Variants in NCOA2 observed in about 807,000 individuals in gnomAD.
The protein encoded by NCOA2 is nuclear receptor coactivator 2, also known as class E basic helix-loop-helix protein 75.
NCOA2 carries 21 observed loss-of-function variants against 145.1 expected under a neutral mutation model. That is an observed-to-expected ratio of 0.14 (90% CI 0.10 to 0.21). The LOEUF is 0.21. Ranked by LOEUF, NCOA2 falls within the 10% of genes least tolerant of loss-of-function variation. NCOA2 has a pLI of 1.00. For missense variants in NCOA2, 1,472 were observed against 1,837.6 expected, an observed-to-expected ratio of 0.80 and a Z score of 3.64; for synonymous variants, 619 against 637.5, an observed-to-expected ratio of 0.97 and a Z score of 0.44.
chr8:70,195,702 T>C (rs1817230456), intron 4 of NCOA2, among the ~76,000 whole-genome samples: 2 of 152,246 alleles, frequency 1.3e-5, no homozygotes, highest in South Asian at 2.1e-4. Context: ...TAAATATAAA[T>C]GGTCATACAG....
the NCOA2 span, among the ~76,000 whole-genome samples, chr8:70,416,197 T>TG: frequency 7.1e-6 from 1 of 141,556 alleles, no homozygotes; most frequent in African/African-American, 2.8e-5. Flanking sequence ...GTTTTTTTGT[T>TG]TTTTTTTTTT....
At chr8:70,430,920 C>T in the NCOA2 span, among the ~76,000 whole-genome samples, 1 of 152,110 alleles carries the variant, frequency 6.6e-6, no homozygotes, top group Admixed American at 6.6e-5. Context: ...TATCTATCAA[C>T]TTATTTCTAG....
chr8:70,207,862 C>CAAAAAAAAAAAAAA (rs754670876), intron 4 of NCOA2, among the ~76,000 whole-genome samples: 8 of 36,182 alleles, frequency 2.2e-4, no homozygotes, highest in African/African-American at 7.6e-4. Flanking sequence ...GACTCCACCT[C>CAAAAAAAAAAAAAA]AAAAAAAAAA....
At chr8:70,454,907 C>T in the NCOA2 span, among the ~76,000 whole-genome samples, 1 of 152,200 alleles carries the variant, frequency 6.6e-6, no homozygotes, top group Non-Finnish European at 1.5e-5. Flanking sequence ...AAACCAATAT[C>T]CTGCTTAGTC....
At position 70,359,472 on chromosome 8, in the gene NCOA2, T is replaced by C. The variant is rs556597136; in HGVS notation, c.-77+44228A>G. Reference sequence around the variant, plus strand: ...GCTAAGAAAAAGAAACAAGGTACAATAGAATATGATACTATTTATATGAAA... The same window carrying C: ...GCTAAGAAAAAGAAACAAGGTACAACAGAATATGATACTATTTATATGAAA... On this transcript the variant is annotated intron_variant, in intron 1 of 22. Coordinates refer to ENST00000452400, the MANE Select transcript of NCOA2 (RefSeq NM_006540.4). Among the ~76,000 whole-genome samples, 4 of 152,234 alleles carry C rather than the reference T, an allele frequency of 2.6e-5. No homozygotes were observed. The South Asian group carries it at 6.2e-4, about 24-fold the overall frequency.
intron 1 of NCOA2, among the ~76,000 whole-genome samples, chr8:70,377,855 G>A (rs1360863872): frequency 6.6e-6 from 1 of 152,152 alleles, no homozygotes; most frequent in Non-Finnish European, 1.5e-5. Flanking sequence ...GGGCAAAAAA[G>A]CACAGGATTT....
At chr8:70,447,687 T>TC in the NCOA2 span, among the ~76,000 whole-genome samples, 2 of 145,718 alleles carry the variant, frequency 1.4e-5, no homozygotes, top group Non-Finnish European at 3.0e-5. Flanking sequence ...GTTTTCTTTT[T>TC]TTTTTTTTTT....
At chr8:70,415,237 G>A in the NCOA2 span, among the ~76,000 whole-genome samples, 1 of 151,966 alleles carries the variant, frequency 6.6e-6, no homozygotes, top group African/African-American at 2.4e-5. Flanking sequence ...GCTGAGGTGT[G>A]AGGATCGCTT....
chr8:70,144,382 G>C (rs1448605356), intron 13 of NCOA2, among the ~76,000 whole-genome samples: 3 of 152,194 alleles, frequency 2.0e-5, no homozygotes, highest in African/African-American at 7.2e-5. Flanking sequence ...AACTGGGATA[G>C]AAGTGAAATA....
chr8:70,127,658 T>G (rs145275614), intron 18 of NCOA2, among the ~76,000 whole-genome samples: 1 of 152,284 alleles, frequency 6.6e-6, no homozygotes, highest in African/African-American at 2.4e-5. Flanking sequence ...TGATCCTCAT[T>G]TATGAATTCC....
intron 4 of NCOA2, among the ~76,000 whole-genome samples, chr8:70,178,905 T>C (rs893504189): frequency 2.0e-5 from 3 of 152,170 alleles, no homozygotes; most frequent in African/African-American, 7.2e-5. Flanking sequence ...AAGCTGGAAC[T>C]CTAGCAAACT....
intron 4 of NCOA2, among the ~76,000 whole-genome samples, chr8:70,181,443 A>G (rs1057240579): frequency 1.3e-5 from 2 of 152,230 alleles, no homozygotes; most frequent in African/African-American, 4.8e-5. Context: ...GTAATAATGC[A>G]TCTACTGAGA....
chr8:70,321,571 C>T lies in NCOA2; in HGVS notation c.-76-24771G>A, dbSNP rs371102717. ...GAAATTATTTATCCAAAGGAGATTT[C>T]AGTAGGTACCAGGCAGGCTGTGCAC... On this transcript the variant is annotated intron_variant, in intron 1 of 22. Transcript: ENST00000452400. Among the ~76,000 whole-genome samples the T allele has an allele frequency of 1.7e-4, 26 of 152,114 alleles. No homozygotes were observed. The East Asian group carries it at 2.5e-3, about 15-fold the overall frequency.
intron 4 of NCOA2, among the ~76,000 whole-genome samples, chr8:70,193,718 A>G (rs1816951443): frequency 6.6e-6 from 1 of 152,208 alleles, no homozygotes; most frequent in Non-Finnish European, 1.5e-5. Context: ...TGAATACACC[A>G]CTTGGAATCT....
At chr8:70,175,007 A>C in intron 4 of NCOA2, 148 bp from the exon 5 acceptor site, 1 of 676,656 alleles carries the variant, frequency 1.5e-6, no homozygotes, top group Non-Finnish European at 2.5e-6. Context: ...TGTTGCCCCT[A>C]AATGGGAGAA....
At chr8:70,455,067 A>G in the NCOA2 span, among the ~76,000 whole-genome samples, 1 of 152,246 alleles carries the variant, frequency 6.6e-6, no homozygotes, top group East Asian at 1.9e-4. Flanking sequence ...CTTTGAAAAG[A>G]ACATTAAATC....
intron 4 of NCOA2, among the ~76,000 whole-genome samples, chr8:70,189,375 C>T (rs760044346): frequency 6.6e-6 from 1 of 152,146 alleles, no homozygotes; most frequent in Non-Finnish European, 1.5e-5. Flanking sequence ...TCATATAAAT[C>T]GTCTTATTTG....
chr8:70,159,239 T>C (rs866771781), intron 10 of NCOA2, among the ~76,000 whole-genome samples: 1 of 95,880 alleles, frequency 1.0e-5, no homozygotes, highest in African/African-American at 4.7e-5. Flanking sequence ...TATATATATA[T>C]ATATTTTTTT....
At chr8:70,305,132 C>G (rs1355040957) in intron 1 of NCOA2, among the ~76,000 whole-genome samples, 1 of 150,982 alleles carries the variant, frequency 6.6e-6, no homozygotes, top group Non-Finnish European at 1.5e-5. Context: ...AGTGATCTTC[C>G]CACCTAGGCC....
Sources: allele counts gnomAD v4.1 joint callset (sites outside exome capture counted in the v4.1 genomes callset), GRCh38; gene constraint gnomAD v4.1.1; transcripts MANE v1.5; gene names NCBI Gene and HGNC (gene_info 2026-07-23, HGNC 2026-07-21).